The following PKN2 variants were observed in gnomAD, a reference collection of about 807,000 sequenced individuals.
The protein encoded by PKN2 is serine/threonine-protein kinase N2.
Under a neutral mutation model 119.1 loss-of-function variants are expected in PKN2, and 38 were observed. The observed-to-expected ratio is 0.32, with a 90% CI of 0.25 to 0.42. PKN2 has a LOEUF of 0.42. PKN2 is among the 10% of genes least tolerant of loss of function. The pLI, the probability that PKN2 is intolerant of heterozygous loss-of-function variation, is 1.00. For missense variants in PKN2, 850 were observed against 1,165.1 expected (o/e 0.73, Z 3.94); for synonymous variants, 390 against 384.9 (o/e 1.01, Z -0.15).
At chr1:88,730,663 A>G (rs972118300) in intron 1 of PKN2, among the ~76,000 whole-genome samples, 14 of 152,118 alleles carry the variant, frequency 9.2e-5, no homozygotes, top group African/African-American at 3.1e-4. Flanking sequence ...TTTCTTTTTT[A>G]TTATTGTTTT....
chr1:88,747,805 T>C (rs376346215), intron 2 of PKN2, among the ~76,000 whole-genome samples: 2 of 152,234 alleles, frequency 1.3e-5, no homozygotes, highest in South Asian at 4.1e-4. Flanking sequence ...TTTAGTAATA[T>C]AATATACCTA....
intron 8 of PKN2, among the ~76,000 whole-genome samples, chr1:88,796,559 G>T (rs1017409192): frequency 6.6e-6 from 1 of 151,916 alleles, no homozygotes; most frequent in Non-Finnish European, 1.5e-5. Context: ...CCTTACCTTT[G>T]TATGTTTTTT....
At chr1:88,689,267 T>C (rs1666238056) in intron 1 of PKN2, among the ~76,000 whole-genome samples, 1 of 152,330 alleles carries the variant, frequency 6.6e-6, no homozygotes, top group African/African-American at 2.4e-5. Flanking sequence ...GTTCTGTCAC[T>C]TAGAGACTGA....
intron 8 of PKN2, among the ~76,000 whole-genome samples, chr1:88,790,398 A>C (rs1375969642): frequency 6.6e-6 from 1 of 152,224 alleles, no homozygotes; most frequent in East Asian, 1.9e-4. Context: ...CAAAAGTAAT[A>C]GCGGTTTTGC....
chr1:88,801,704 A>G (rs2100866272), intron 8 of PKN2, among the ~76,000 whole-genome samples: 1 of 152,372 alleles, frequency 6.6e-6, no homozygotes, highest in Middle Eastern at 3.4e-3. Flanking sequence ...GGTGCCGTGA[A>G]GAAAAGTCAG....
intron 9 of PKN2, 73 bp downstream of exon 9, chr1:88,804,607 T>C (rs1671459325): frequency 1.4e-6 from 2 of 1,409,144 alleles, no homozygotes; most frequent in African/African-American, 1.4e-5. Flanking sequence ...AATATAGAAG[T>C]AGAAAGAGTG....
chr1:88,762,627 C>G (rs368408264), intron 3 of PKN2, among the ~76,000 whole-genome samples: 1 of 151,958 alleles, frequency 6.6e-6, no homozygotes, highest in Non-Finnish European at 1.5e-5. Context: ...AGCAGGTACT[C>G]AATATATAAT....
intron 8 of PKN2, among the ~76,000 whole-genome samples, chr1:88,802,322 A>G (rs61263150): frequency 0.04 from 6,056 of 151,606 alleles, 276 homozygotes; most frequent in African/African-American, 0.11. Flanking sequence ...TACTTTATAA[A>G]TTTTAATTTT....
At chr1:88,761,087 T>C (rs1406804208) in intron 3 of PKN2, among the ~76,000 whole-genome samples, 1 of 152,162 alleles carries the variant, frequency 6.6e-6, no homozygotes, top group Non-Finnish European at 1.5e-5. Context: ...GGTATGGGCA[T>C]ATAACTCCTA....
chr1:88,708,217 T>G (rs1460967744), intron 1 of PKN2, among the ~76,000 whole-genome samples: 4 of 152,272 alleles, frequency 2.6e-5, no homozygotes, highest in African/African-American at 9.6e-5. Flanking sequence ...TTGAACCTGT[T>G]AAACCTGTAG....
intron 1 of PKN2, among the ~76,000 whole-genome samples, chr1:88,698,968 G>GT (rs913587755): frequency 1.3e-5 from 2 of 152,120 alleles, no homozygotes; most frequent in African/African-American, 4.8e-5. Flanking sequence ...AAAAATGAGA[G>GT]TTTCAGTACA....
chr1:88,821,215 A>AT (rs1407266164), intron 16 of PKN2, among the ~76,000 whole-genome samples: 4 of 152,150 alleles, frequency 2.6e-5, no homozygotes, highest in Admixed American at 2.6e-4. Flanking sequence ...TGTCATGCTA[A>AT]TTTTTAAGTT....
intron 10 of PKN2, 104 bp from the exon 11 acceptor site, chr1:88,805,393 G>A (rs1191526308): frequency 1.1e-5 from 11 of 1,046,660 alleles, no homozygotes; most frequent in South Asian, 3.8e-5. Flanking sequence ...AATTTTGTTT[G>A]TTCTTCGTAG....
chr1:88,716,109 G>A (rs1015007319), intron 1 of PKN2, among the ~76,000 whole-genome samples: 25 of 152,324 alleles, frequency 1.6e-4, no homozygotes, highest in African/African-American at 5.8e-4. Flanking sequence ...GGTTTTGAGT[G>A]AGTTTCTTAA....
chr1:88,741,239 G>A lies in PKN2; in HGVS notation c.300G>A (p.Leu100=), dbSNP rs760801894. Residue 100 remains leucine, a synonymous_variant, in exon 2 of 22, where the codon CTG becomes CTA. Transcript: ENST00000370521. ...NKKLEELHHK[L]QELNAHIVVS... ...AATTAGAAGAACTACATCACAAGCT[G>A]CAGGAATTAAATGCACATATTGTTG... The A allele has an allele frequency of 6.3e-7, 1 of 1,598,692 alleles. No homozygotes were observed. Among genetic ancestry groups the A allele is most frequent in the South Asian group, 1.1e-5 (1 of 87,224 alleles).
At chr1:88,724,508 T>C (rs1047301011) in intron 1 of PKN2, among the ~76,000 whole-genome samples, 1 of 152,186 alleles carries the variant, frequency 6.6e-6, no homozygotes, top group Non-Finnish European at 1.5e-5. Flanking sequence ...AAACTAATAA[T>C]GGATCTCATT....
At chr1:88,827,685 T>G (rs1672563708) in intron 18 of PKN2, among the ~76,000 whole-genome samples, 1 of 129,710 alleles carries the variant, frequency 7.7e-6, no homozygotes. Flanking sequence ...TCTCTCTCTC[T>G]ATATATAATA....
intron 2 of PKN2, among the ~76,000 whole-genome samples, chr1:88,743,526 C>T (rs1240626292): frequency 6.6e-6 from 1 of 152,166 alleles, no homozygotes; most frequent in Admixed American, 6.5e-5. Context: ...TACCATAAAA[C>T]CTTCCATGAC....
intron 19 of PKN2, chr1:88,829,102 A>ATG: frequency 1.4e-6 from 1 of 714,832 alleles, no homozygotes; most frequent in Non-Finnish European, 2.7e-6. Flanking sequence ...TAAGAACAAA[A>ATG]TGGATGGAGA....
Sources: allele counts gnomAD v4.1 joint callset (sites outside exome capture counted in the v4.1 genomes callset), GRCh38; gene constraint gnomAD v4.1.1; transcripts MANE v1.5; gene names NCBI Gene and HGNC (gene_info 2026-07-23, HGNC 2026-07-21).